Variants in NAV3 observed in about 807,000 individuals in gnomAD.
NAV3 encodes the protein pore membrane and/or filament interacting like protein 1.
NAV3 carries 87 observed loss-of-function variants against 244.7 expected under a neutral mutation model. The ratio of observed to expected loss-of-function variants is 0.36; its 90% CI spans 0.30 to 0.42. The LOEUF (loss-of-function observed/expected upper bound fraction) is 0.42, where lower values mean the gene tolerates loss of function less well. Among genes scored for constraint, NAV3 ranks in the 20% least tolerant of loss-of-function variants. The pLI is 1.00. For missense variants in NAV3, 2,663 were observed against 2,893.3 expected, an observed-to-expected ratio of 0.92 and a Z score of 1.83; for synonymous variants, 1,126 against 1,042.2, an observed-to-expected ratio of 1.08 and a Z score of -1.55.
chr12:78,183,107 TTAA>T (rs1390886395), intron 30 of NAV3, among the ~76,000 whole-genome samples: 1 of 152,016 alleles, frequency 6.6e-6, no homozygotes, highest in Non-Finnish European at 1.5e-5. Context: ...GCAGACCTCT[TTAA>T]TTTTTCCTTC....
intron 20 of NAV3, among the ~76,000 whole-genome samples, chr12:78,141,865 C>T (rs1956630274): frequency 6.6e-6 from 1 of 152,026 alleles, no homozygotes; most frequent in Non-Finnish European, 1.5e-5. Flanking sequence ...TAAACCATTG[C>T]CATTTACATC....
At chr12:77,645,220 A>T (rs141320234) in intron 2 of NAV3, among the ~76,000 whole-genome samples, 2,137 of 152,210 alleles carry the variant, frequency 0.014, 63 homozygotes, top group African/African-American at 0.048. Flanking sequence ...GGGTTACAAA[A>T]GGTTGAGAGT....
intron 2 of NAV3, among the ~76,000 whole-genome samples, chr12:77,778,097 T>C (rs1028938748): frequency 4.0e-5 from 6 of 151,138 alleles, no homozygotes; most frequent in African/African-American, 1.5e-4. Flanking sequence ...TTTGGCAAAA[T>C]TGTAAGTTTC....
chr12:78,166,644 A>G (rs937168127), intron 23 of NAV3, among the ~76,000 whole-genome samples: 1 of 151,818 alleles, frequency 6.6e-6, no homozygotes, highest in Non-Finnish European at 1.5e-5. Context: ...TTAAAAGATA[A>G]TTAATATTAG....
At chr12:77,575,443 C>T (rs1225636058) in intron 2 of NAV3, among the ~76,000 whole-genome samples, 3 of 152,060 alleles carry the variant, frequency 2.0e-5, no homozygotes, top group East Asian at 1.9e-4. Flanking sequence ...CAGCTCTTGG[C>T]ATTCAGATTC....
intron 2 of NAV3, among the ~76,000 whole-genome samples, chr12:77,655,784 G>A (rs1168955983): frequency 6.6e-6 from 1 of 152,150 alleles, no homozygotes; most frequent in Non-Finnish European, 1.5e-5. Flanking sequence ...TAAGCCAGAA[G>A]AGAGTGGGGG....
chr12:78,053,944 C>T (rs1883130215), intron 11 of NAV3, among the ~76,000 whole-genome samples: 1 of 152,104 alleles, frequency 6.6e-6, no homozygotes, highest in Non-Finnish European at 1.5e-5. Flanking sequence ...ACAATATATA[C>T]TCACACTCAT....
At chr12:77,706,675 C>T (rs1565780195) in intron 2 of NAV3, among the ~76,000 whole-genome samples, 1 of 150,464 alleles carries the variant, frequency 6.6e-6, no homozygotes. Context: ...TCGAGACCAT[C>T]CTGGCTAACA....
intron 7 of NAV3, among the ~76,000 whole-genome samples, chr12:78,000,802 C>A (rs1873150543): frequency 6.6e-6 from 1 of 150,600 alleles, no homozygotes; most frequent in African/African-American, 2.4e-5. Flanking sequence ...CGCGCCCGGC[C>A]AAAACATTTT....
chr12:77,997,871 TG>T (rs1272505939), intron 6 of NAV3, among the ~76,000 whole-genome samples: 1 of 152,204 alleles, frequency 6.6e-6, no homozygotes, highest in Non-Finnish European at 1.5e-5. Flanking sequence ...GTAACTTTCT[TG>T]TGATTAATAT....
At chr12:77,648,922 A>G (rs905645733) in intron 2 of NAV3, among the ~76,000 whole-genome samples, 4 of 152,116 alleles carry the variant, frequency 2.6e-5, no homozygotes, top group Admixed American at 2.6e-4. Context: ...CTGGCAAGTC[A>G]TAGAGTGAGT....
intron 2 of NAV3, among the ~76,000 whole-genome samples, chr12:77,750,357 C>T (rs1868783500): frequency 6.6e-6 from 1 of 151,884 alleles, no homozygotes; most frequent in Admixed American, 6.6e-5. Context: ...CATCTCAAAA[C>T]AACAACAACA....
At chr12:78,137,459 G>A in intron 19 of NAV3, 94 bp downstream of exon 19, 5 of 1,282,450 alleles carry the variant, frequency 3.9e-6, no homozygotes, top group South Asian at 3.3e-5. Flanking sequence ...TTCCTGAAGA[G>A]GAAAATAAAC....
chr12:77,719,340 A>G (rs75261101), intron 2 of NAV3, among the ~76,000 whole-genome samples: 2,739 of 149,956 alleles, frequency 0.018, 79 homozygotes, highest in African/African-American at 0.063. Context: ...TTCCTGTACT[A>G]TGTTGAATAG....
chr12:78,025,551 G>A (rs530108800), intron 9 of NAV3, among the ~76,000 whole-genome samples: 3 of 122,142 alleles, frequency 2.5e-5, no homozygotes, highest in Non-Finnish European at 4.7e-5. Flanking sequence ...AGTCAAGATC[G>A]CACCACTGCA....
chr12:77,654,206 A>G (rs2137002684), intron 2 of NAV3, among the ~76,000 whole-genome samples: 1 of 152,300 alleles, frequency 6.6e-6, no homozygotes, highest in South Asian at 2.1e-4. Context: ...CTAGTCAAAG[A>G]AAGGGGTGAC....
Position 77,999,793 on chromosome 12 carries a change from G to GA in NAV3, c.880+1328dup, listed in dbSNP as rs200295675. Among the ~76,000 whole-genome samples, 1,244 of 142,608 alleles carry GA rather than the reference G, an allele frequency of 8.7e-3. 68 individuals are homozygous for GA. The East Asian group carries it at 0.16, about 18-fold the overall frequency. The allele number at this position is 142,608 out of a possible 152,430, so 93.6% of individuals were successfully genotyped here. A position where few individuals can be genotyped will look rare whatever the true frequency, so the allele number is the denominator to read the frequency against. On this transcript the variant is annotated intron_variant, in intron 7 of 39. Transcript: ENST00000397909. ...TAAGGGAGGTGACAGTCGCTCATCA[G>GA]AAAAAAAAAAATGCCCTCATTTCCT... is the stretch of plus-strand genomic sequence containing the variant.
chr12:78,206,958 A>C (rs1240019118), intron 39 of NAV3, among the ~76,000 whole-genome samples: 3 of 146,304 alleles, frequency 2.1e-5, no homozygotes, highest in Non-Finnish European at 3.0e-5. Flanking sequence ...CCCCGAGTTC[A>C]AGCAATTCTC....
chr12:77,864,157 A>T (rs1238138613), intron 1 of NAV3, among the ~76,000 whole-genome samples: 1 of 151,844 alleles, frequency 6.6e-6, no homozygotes, highest in Non-Finnish European at 1.5e-5. Flanking sequence ...ACCATTCTAT[A>T]GCTTCTTCCT....
Sources: allele counts gnomAD v4.1 joint callset (sites outside exome capture counted in the v4.1 genomes callset), GRCh38; gene constraint gnomAD v4.1.1; transcripts MANE v1.5; gene names NCBI Gene and HGNC (gene_info 2026-07-23, HGNC 2026-07-21).